The following ZEB1 variants were observed in gnomAD, a reference collection of about 807,000 sequenced individuals.
ZEB1 encodes zinc finger E-box-binding homeobox 1.
A neutral mutation model predicts 84.9 loss-of-function variants in ZEB1; 21 were observed. The ratio of observed to expected loss-of-function variants is 0.25; its 90% CI spans 0.18 to 0.36. The LOEUF is 0.36. Among genes scored for constraint, ZEB1 ranks in the 10% least tolerant of loss-of-function variants. The pLI is 1.00. For missense variants in ZEB1, 1,104 were observed against 1,330.2 expected, an observed-to-expected ratio of 0.83 and a Z score of 2.65; for synonymous variants, 420 against 471.1, an observed-to-expected ratio of 0.89 and a Z score of 1.41.
At chr10:31,525,957 TTAGTGTTAACTGC>T (rs1437031921) in intron 8 of ZEB1, among the ~76,000 whole-genome samples, 6 of 152,238 alleles carry the variant, frequency 3.9e-5, no homozygotes, top group Non-Finnish European at 8.8e-5. Flanking sequence ...TCTGCATTTG[TTAGTGTTAACTGC>T]TTGATAGCTC....
At position 31,520,892 on chromosome 10, in the gene ZEB1, C is replaced by T; in HGVS notation, c.1560C>T (p.Asp520=). The T allele has an allele frequency of 2.5e-6, 4 of 1,614,082 alleles. No individual in the cohort carries two copies. Among genetic ancestry groups the T allele is most frequent in the South Asian group, 2.2e-5 (2 of 91,082 alleles). Residue 520 remains aspartate (D), a synonymous_variant, in exon 7 of 9, where the codon GAC becomes GAT. Transcript: ENST00000424869. This position sits in a 1 kb window ranked among gnomAD's most constrained non-coding sequence, Gnocchi z 5.1. The part of the protein sequence containing the change: ...PEDLTVKSEK[D]KSFEGGVNDS... ...ATCTTACTGTTAAGTCTGAGAAGGA[C>T]AAAAGCTTTGAAGGGGGGGTGAATG...
intron 2 of ZEB1, among the ~76,000 whole-genome samples, chr10:31,489,306 T>G (rs2066168398): frequency 6.6e-6 from 1 of 151,420 alleles, no homozygotes; most frequent in African/African-American, 2.4e-5. Flanking sequence ...TGGTTAATGA[T>G]ATAATTTTTC....
intron 1 of ZEB1, among the ~76,000 whole-genome samples, chr10:31,322,405 TTA>T (rs1304446039): frequency 6.6e-6 from 1 of 152,240 alleles, no homozygotes; most frequent in Non-Finnish European, 1.5e-5. Context: ...GTTTATGTTG[TTA>T]TATATGTAAA....
At chr10:31,366,454 C>T (rs895500143) in intron 1 of ZEB1, among the ~76,000 whole-genome samples, 2 of 152,130 alleles carry the variant, frequency 1.3e-5, no homozygotes, top group African/African-American at 4.8e-5. Flanking sequence ...TGCGCCTGGC[C>T]ATAATTTAAA....
chr10:31,374,912 A>G (rs2046324813), intron 1 of ZEB1: 1 of 151,822 alleles, frequency 6.6e-6, no homozygotes, highest in Admixed American at 6.6e-5. Context: ...CTGAAGAGGG[A>G]CACTGATTTC....
At chr10:31,359,744 A>G (rs1474298358) in intron 1 of ZEB1, among the ~76,000 whole-genome samples, 1 of 152,158 alleles carries the variant, frequency 6.6e-6, no homozygotes, top group Non-Finnish European at 1.5e-5. Flanking sequence ...ATCTTTATTC[A>G]TAGCATCATT....
intron 1 of ZEB1, among the ~76,000 whole-genome samples, chr10:31,429,785 C>T (rs1263514588): frequency 1.4e-5 from 2 of 142,124 alleles, no homozygotes; most frequent in African/African-American, 5.5e-5. Context: ...CTCTTGTCCC[C>T]CAGGCTGGAG....
chr10:31,418,313 A>C (rs764907694), intron 1 of ZEB1, among the ~76,000 whole-genome samples: 1 of 151,966 alleles, frequency 6.6e-6, no homozygotes, highest in Non-Finnish European at 1.5e-5. Context: ...TGGCAAAAAC[A>C]AAACAAAACA....
intron 1 of ZEB1, 173 bp downstream of exon 1, chr10:31,319,465 C>A: frequency 1.5e-6 from 1 of 648,234 alleles, no homozygotes; most frequent in South Asian, 1.9e-5. Flanking sequence ...CCGCCGCTGC[C>A]GGAGCCGCGC....
chr10:31,417,405 C>T (rs748729603), intron 1 of ZEB1, among the ~76,000 whole-genome samples: 13 of 152,088 alleles, frequency 8.5e-5, no homozygotes, highest in Non-Finnish European at 1.8e-4. Flanking sequence ...AGTCATCTGA[C>T]TTGGATCATT....
chr10:31,421,625 A>G (rs17295696), intron 1 of ZEB1, among the ~76,000 whole-genome samples: 6,970 of 152,094 alleles, frequency 0.046, 230 homozygotes, highest in Middle Eastern at 0.078. Flanking sequence ...GGAAAAAAAA[A>G]GCTTAGACAT....
chr10:31,408,595 T>C (rs2053603917), intron 1 of ZEB1, among the ~76,000 whole-genome samples: 1 of 145,642 alleles, frequency 6.9e-6, no homozygotes, highest in Non-Finnish European at 1.5e-5. Context: ...ACGCCGCATA[T>C]CTACAACTAT....
intron 2 of ZEB1, among the ~76,000 whole-genome samples, chr10:31,462,523 CAG>C (rs922218923): frequency 6.6e-6 from 1 of 152,140 alleles, no homozygotes; most frequent in Non-Finnish European, 1.5e-5. Context: ...CTGAGTGAAA[CAG>C]AGTGGTCTTT....
intron 3 of ZEB1, among the ~76,000 whole-genome samples, chr10:31,496,226 CA>C (rs1565117163): frequency 6.6e-6 from 1 of 151,686 alleles, no homozygotes; most frequent in Non-Finnish European, 1.5e-5. Context: ...GCCCACAAGA[CA>C]AAAAGCAGAA....
intron 1 of ZEB1, among the ~76,000 whole-genome samples, chr10:31,405,438 T>G (rs1245985733): frequency 2.0e-5 from 3 of 152,196 alleles, no homozygotes; most frequent in Admixed American, 6.5e-5. Context: ...GAAAAGTGTT[T>G]CTTTACCCAT....
intron 3 of ZEB1, 134 bp downstream of exon 3, chr10:31,495,972 C>T: frequency 1.1e-6 from 1 of 922,218 alleles, no homozygotes; most frequent in Non-Finnish European, 1.8e-6. Flanking sequence ...TGTTTAAGTA[C>T]TTAGGCATAT....
intron 1 of ZEB1, among the ~76,000 whole-genome samples, chr10:31,450,966 G>A (rs914953462): frequency 3.3e-5 from 5 of 151,926 alleles, no homozygotes; most frequent in African/African-American, 1.2e-4. Flanking sequence ...TAATTATTAT[G>A]TTGACTTCCT....
At chr10:31,341,972 C>A (rs1464169770) in intron 1 of ZEB1, among the ~76,000 whole-genome samples, 2 of 152,060 alleles carry the variant, frequency 1.3e-5, no homozygotes, top group African/African-American at 4.8e-5. Context: ...TTTAGGGAAA[C>A]CAAGTTGTTT....
chr10:31,320,978 C>G (rs1170167067), intron 1 of ZEB1, among the ~76,000 whole-genome samples: 1 of 152,168 alleles, frequency 6.6e-6, no homozygotes, highest in African/African-American at 2.4e-5. Flanking sequence ...GAGGGGCTCG[C>G]TTTGGTTCCT....
Sources: gnomAD v4.1 joint callset for allele counts (sites outside exome capture counted in the v4.1 genomes callset) on GRCh38, gnomAD v4.1.1 for gene constraint, Gnocchi (gnomAD v3.1) non-coding constraint, MANE v1.5 for transcripts, NCBI Gene and HGNC (gene_info 2026-07-23, HGNC 2026-07-21) for gene names.